L3MBTL4: variants seen among roughly 807,000 people sequenced by gnomAD.
L3MBTL4 encodes the protein lethal(3)malignant brain tumor-like protein 4.
A neutral mutation model predicts 84.5 loss-of-function variants in L3MBTL4; 70 were observed. That is an observed-to-expected ratio of 0.83 (90% CI 0.68 to 1.01). The LOEUF is 1.01. Among genes scored for constraint, L3MBTL4 ranks in the 50% least tolerant of loss-of-function variants. The pLI is 0.00. For synonymous variants in L3MBTL4, 274 were observed against 259.8 expected (o/e 1.05, Z -0.52); for missense variants, 715 against 754.8 (o/e 0.95, Z 0.62).
At position 6,034,143 on chromosome 18, in the gene L3MBTL4, CT is replaced by C. The variant is rs941359909; in HGVS notation, c.1444+46737del. Among the ~76,000 whole-genome samples, 64 of 148,568 alleles carry C rather than the reference CT, an allele frequency of 4.3e-4. 2 individuals carry two copies. The highest frequency in any genetic ancestry group is 1.9e-3 in the South Asian group (9 of 4,690). On this transcript the variant is annotated intron_variant, in intron 16 of 18. Transcript: ENST00000317931. ...AGGGAATGTCTTAATTTCTCCCTCG[CT>C]TTTTTTTTTAATTATTATTATACTT...
intron 1 of L3MBTL4, among the ~76,000 whole-genome samples, chr18:6,329,766 C>T (rs1290920197): frequency 6.6e-6 from 1 of 152,118 alleles, no homozygotes; most frequent in Non-Finnish European, 1.5e-5. Flanking sequence ...ACCCATTAAT[C>T]CATTCACCCA....
intron 4 of L3MBTL4, among the ~76,000 whole-genome samples, chr18:6,293,346 C>G (rs61381821): frequency 0.19 from 28,711 of 151,908 alleles, 2,849 homozygotes; most frequent in African/African-American, 0.24. Flanking sequence ...AAGCCTAAAA[C>G]ATCTTGTGTC....
In L3MBTL4 at chr18:6,313,285, C is replaced by T. The variant is rs113610499; in HGVS notation, c.-90-1229G>A. The stretch of plus-strand genomic sequence containing the variant: ...TCTGAATTACAGAGAAGCCTCAAGC[C>T]CTTAAATCCAGTGAATATTAGTTCT... On this transcript the variant is annotated intron_variant, in intron 1 of 18. Transcript: ENST00000317931. Among the ~76,000 whole-genome samples the T allele has an allele frequency of 8.6e-3, 1,315 of 152,264 alleles. 25 individuals are homozygous for T. The highest frequency in any genetic ancestry group is 0.03 in the African/African-American group (1,236 of 41,528).
intron 16 of L3MBTL4, among the ~76,000 whole-genome samples, chr18:5,990,664 A>T (rs1412786712): frequency 6.6e-6 from 1 of 152,212 alleles, no homozygotes; most frequent in Admixed American, 6.5e-5. Context: ...TCTATAAAAC[A>T]TCATCTAGAC....
At chr18:6,366,637 A>C (rs764650709) in intron 1 of L3MBTL4, among the ~76,000 whole-genome samples, 9 of 152,216 alleles carry the variant, frequency 5.9e-5, no homozygotes, top group Non-Finnish European at 1.3e-4. Flanking sequence ...AAAGCTGTGG[A>C]TACAACTTTA....
chr18:6,404,454 A>T (rs926448071), intron 1 of L3MBTL4, among the ~76,000 whole-genome samples: 7 of 152,168 alleles, frequency 4.6e-5, no homozygotes, highest in East Asian at 3.9e-4. Context: ...GAACAAAGAT[A>T]AAAAGCTCGA....
chr18:6,346,076 G>A (rs981428395), intron 1 of L3MBTL4, among the ~76,000 whole-genome samples: 14 of 145,670 alleles, frequency 9.6e-5, no homozygotes, highest in African/African-American at 3.5e-4. Context: ...ATGGAGAAAG[G>A]ACAGTCTCTT....
chr18:6,126,263 T>C (rs1002047052), intron 14 of L3MBTL4, among the ~76,000 whole-genome samples: 1 of 152,228 alleles, frequency 6.6e-6, no homozygotes, highest in Non-Finnish European at 1.5e-5. Context: ...CATAGACTAA[T>C]CTTGTAATAA....
intron 10 of L3MBTL4, 30 bp downstream of exon 10, chr18:6,237,934 C>T: frequency 6.3e-7 from 1 of 1,585,616 alleles, no homozygotes; most frequent in Non-Finnish European, 8.7e-7. Flanking sequence ...ACAGAGATGA[C>T]TTCAAAGAAA....
chr18:6,313,327 C>CT (rs754013158), intron 1 of L3MBTL4, among the ~76,000 whole-genome samples: 8 of 152,166 alleles, frequency 5.3e-5, no homozygotes, highest in Admixed American at 2.0e-4. Flanking sequence ...ATACATTATC[C>CT]TTTAGAATGC....
chr18:6,307,000 T>C (rs2050614907), intron 3 of L3MBTL4, among the ~76,000 whole-genome samples: 1 of 152,156 alleles, frequency 6.6e-6, no homozygotes, highest in Non-Finnish European at 1.5e-5. Flanking sequence ...GGTCCAGCCA[T>C]ATATCACACA....
chr18:5,978,468 T>G (rs2053057346), intron 16 of L3MBTL4, among the ~76,000 whole-genome samples: 1 of 152,164 alleles, frequency 6.6e-6, no homozygotes, highest in Non-Finnish European at 1.5e-5. Context: ...CCAGCATGTA[T>G]TTTTAGACCT....
At chr18:6,058,727 G>A (rs1272029154) in intron 16 of L3MBTL4, among the ~76,000 whole-genome samples, 2 of 152,062 alleles carry the variant, frequency 1.3e-5, no homozygotes, top group Non-Finnish European at 2.9e-5. Flanking sequence ...ACTTTGGGGG[G>A]CATCCTCTAC....
intron 15 of L3MBTL4, among the ~76,000 whole-genome samples, chr18:6,088,109 A>G (rs1184995285): frequency 6.6e-6 from 1 of 152,222 alleles, no homozygotes; most frequent in Non-Finnish European, 1.5e-5. Flanking sequence ...ACAAACTATT[A>G]AAAAGGTACA....
chr18:6,111,187 G>A (rs1401242673), intron 14 of L3MBTL4, among the ~76,000 whole-genome samples: 3 of 152,282 alleles, frequency 2.0e-5, no homozygotes, highest in Non-Finnish European at 2.9e-5. Context: ...CTGCAAAGGA[G>A]TGAAAATGAA....
At chr18:6,322,331 C>A in intron 1 of L3MBTL4, among the ~76,000 whole-genome samples, 1 of 149,666 alleles carries the variant, frequency 6.7e-6, no homozygotes. Context: ...GAGTGAGACC[C>A]TGTCTCAAAA....
intron 16 of L3MBTL4, chr18:6,031,360 T>C (rs980299403): frequency 1.3e-5 from 13 of 985,332 alleles, no homozygotes; most frequent in Non-Finnish European, 1.6e-5. Flanking sequence ...CTTCACCTTA[T>C]TGTAGATAGC....
chr18:6,305,770 G>T (rs2050557938), intron 3 of L3MBTL4, among the ~76,000 whole-genome samples: 1 of 152,176 alleles, frequency 6.6e-6, no homozygotes, highest in African/African-American at 2.4e-5. Flanking sequence ...AAGGCTTAAT[G>T]TTCTGTTCCC....
intron 13 of L3MBTL4, among the ~76,000 whole-genome samples, chr18:6,143,695 C>T (rs1200664258): frequency 6.6e-6 from 1 of 152,176 alleles, no homozygotes; most frequent in Non-Finnish European, 1.5e-5. Context: ...GACCATATGA[C>T]CCATTCTTGT....
Sources: allele counts gnomAD v4.1 joint callset (sites outside exome capture counted in the v4.1 genomes callset), GRCh38; gene constraint gnomAD v4.1.1; transcripts MANE v1.5; gene names NCBI Gene and HGNC (gene_info 2026-07-23, HGNC 2026-07-21).